NTM: variants seen among roughly 807,000 people sequenced by gnomAD.
NTM encodes the protein neurotrimin, also known as IgLON family member 2.
Under a neutral mutation model 42.1 loss-of-function variants are expected in NTM, and 13 were observed. That is an observed-to-expected ratio of 0.31 (90% CI 0.20 to 0.49). The LOEUF (loss-of-function observed/expected upper bound fraction) is 0.49, where lower values mean the gene tolerates loss of function less well. Ranked by LOEUF, NTM falls within the 20% of genes least tolerant of loss-of-function variation. NTM has a pLI of 0.99. For missense variants in NTM, 373 were observed against 452.8 expected, an observed-to-expected ratio of 0.82 and a Z score of 1.60; for synonymous variants, 187 against 179.2, an observed-to-expected ratio of 1.04 and a Z score of -0.35.
intron 3 of NTM, among the ~76,000 whole-genome samples, chr11:132,175,141 G>T (rs1475232002): frequency 6.6e-6 from 1 of 152,144 alleles, no homozygotes; most frequent in Non-Finnish European, 1.5e-5. Flanking sequence ...ATTTAGTGCA[G>T]AATGTGTACA....
intron 2 of NTM, among the ~76,000 whole-genome samples, chr11:132,016,569 A>C (rs1250341774): frequency 6.6e-6 from 1 of 152,020 alleles, no homozygotes; most frequent in Middle Eastern, 3.2e-3. Flanking sequence ...AATAGCTTCC[A>C]GATCTGAGTT....
chr11:132,069,226 C>T (rs1254479263), intron 2 of NTM, among the ~76,000 whole-genome samples: 3 of 149,546 alleles, frequency 2.0e-5, no homozygotes, highest in South Asian at 2.1e-4. Context: ...TTAGTTAACA[C>T]GTCACTCAGC....
intron 2 of NTM, among the ~76,000 whole-genome samples, chr11:131,919,164 T>TAA (rs35708829): frequency 3.3e-5 from 5 of 150,692 alleles, no homozygotes; most frequent in East Asian, 2.0e-4. Context: ...GGGAATCTTG[T>TAA]AAAAAAAGAT....
At chr11:132,267,862 A>G (rs925131877) in intron 4 of NTM, among the ~76,000 whole-genome samples, 6 of 151,932 alleles carry the variant, frequency 3.9e-5, no homozygotes, top group African/African-American at 1.4e-4. Flanking sequence ...AAACAAAAAA[A>G]ACCCAGAAAC....
At position 131,789,487 on chromosome 11, in the gene NTM, GAA is replaced by G. The variant is rs1565550758; in HGVS notation, c.83-122076_83-122075del. On this transcript the variant is annotated intron_variant, in intron 1 of 8. Coordinates refer to ENST00000683400, the MANE Select transcript of NTM (RefSeq NM_001352005.2). ...AGAAGAAGAAGAAGAAGAAGAAGAA[GAA>G]GAGGAAAGAAGAAGAAGAAGAAGAA... Among the ~76,000 whole-genome samples the G allele has an allele frequency of 1.8e-3, 15 of 8,510 alleles. 4 individuals carry two copies. Among genetic ancestry groups the G allele is most frequent in the South Asian group, 5.1e-3 (1 of 198 alleles). The allele number at this position is 8,510 out of a possible 152,430, so 5.6% of individuals were successfully genotyped here. A position where few individuals can be genotyped will look rare whatever the true frequency, so the allele number is the denominator to read the frequency against.
At chr11:131,521,595 G>A (rs1424918352) in intron 1 of NTM, among the ~76,000 whole-genome samples, 1 of 151,074 alleles carries the variant, frequency 6.6e-6, no homozygotes, top group African/African-American at 2.4e-5. Flanking sequence ...GCCCGTAGGG[G>A]GACTCTTGTG....
chr11:131,728,166 A>G (rs2079181206), intron 1 of NTM, among the ~76,000 whole-genome samples: 1 of 152,142 alleles, frequency 6.6e-6, no homozygotes, highest in Non-Finnish European at 1.5e-5. Flanking sequence ...GTGGCATCCA[A>G]TCCAATTTCA....
chr11:131,840,324 A>G (rs1278258229), intron 1 of NTM, among the ~76,000 whole-genome samples: 1 of 152,214 alleles, frequency 6.6e-6, no homozygotes, highest in Non-Finnish European at 1.5e-5. Context: ...GACACTGTAC[A>G]GGAAAATCCC....
chr11:132,168,954 T>C (rs927306608), intron 3 of NTM, among the ~76,000 whole-genome samples: 2 of 152,172 alleles, frequency 1.3e-5, no homozygotes, highest in African/African-American at 4.8e-5. Context: ...GGAAGGACTT[T>C]TAGATTCCCA....
intron 1 of NTM, among the ~76,000 whole-genome samples, chr11:131,850,924 G>A (rs1317858488): frequency 2.0e-5 from 3 of 152,174 alleles, no homozygotes; most frequent in African/African-American, 7.2e-5. Context: ...GAGCTGAGCT[G>A]TGTGTACAGA....
chr11:132,286,180 A>G (rs2094222631), intron 4 of NTM, among the ~76,000 whole-genome samples: 4 of 152,186 alleles, frequency 2.6e-5, no homozygotes, highest in Admixed American at 2.6e-4. Flanking sequence ...ATTTAAACTG[A>G]TCTATAAACT....
At chr11:131,872,543 G>A (rs1280644877) in intron 1 of NTM, among the ~76,000 whole-genome samples, 1 of 152,112 alleles carries the variant, frequency 6.6e-6, no homozygotes, top group Non-Finnish European at 1.5e-5. Flanking sequence ...CTGGCTCTCT[G>A]TCAAATTTTG....
intron 1 of NTM, among the ~76,000 whole-genome samples, chr11:131,796,618 G>T (rs1438385267): frequency 6.6e-6 from 1 of 152,150 alleles, no homozygotes; most frequent in African/African-American, 2.4e-5. Context: ...AGTGTGTAGA[G>T]TCCCAGCCTC....
chr11:131,947,574 G>A (rs1836802849), intron 2 of NTM, among the ~76,000 whole-genome samples: 1 of 152,184 alleles, frequency 6.6e-6, no homozygotes, highest in African/African-American at 2.4e-5. Flanking sequence ...ATACACGCTG[G>A]TATGAAACAT....
intron 2 of NTM, among the ~76,000 whole-genome samples, chr11:132,035,344 G>A (rs1018834732): frequency 6.6e-6 from 1 of 152,184 alleles, no homozygotes; most frequent in African/African-American, 2.4e-5. Context: ...AGTGGACTCG[G>A]ATCCTTGAGG....
chr11:132,323,146 A>C (rs1565482791), intron 7 of NTM, among the ~76,000 whole-genome samples: 1 of 139,012 alleles, frequency 7.2e-6, no homozygotes, highest in African/African-American at 2.7e-5. Flanking sequence ...AAACACATTC[A>C]AAAGCTAGCA....
intron 1 of NTM, among the ~76,000 whole-genome samples, chr11:131,580,437 G>A (rs1164230582): frequency 6.6e-6 from 1 of 152,152 alleles, no homozygotes; most frequent in Non-Finnish European, 1.5e-5. Context: ...CCCTCTGAGG[G>A]CAGCTATAGA....
At chr11:131,696,801 A>G (rs1416450727) in intron 1 of NTM, among the ~76,000 whole-genome samples, 1 of 152,142 alleles carries the variant, frequency 6.6e-6, no homozygotes, top group Non-Finnish European at 1.5e-5. Context: ...ACACACACAC[A>G]CACACACACA....
At chr11:131,862,544 GT>G (rs2046751281) in intron 1 of NTM, among the ~76,000 whole-genome samples, 1 of 152,182 alleles carries the variant, frequency 6.6e-6, no homozygotes, top group South Asian at 2.1e-4. Flanking sequence ...TGAATCGAGG[GT>G]TGTTTTTTAT....
Sources: gnomAD v4.1 joint callset for allele counts (sites outside exome capture counted in the v4.1 genomes callset) on GRCh38, gnomAD v4.1.1 for gene constraint, MANE v1.5 for transcripts, NCBI Gene and HGNC (gene_info 2026-07-23, HGNC 2026-07-21) for gene names.